NDEL1: variants seen among roughly 807,000 people sequenced by gnomAD.
The protein encoded by NDEL1 is nudE neurodevelopment protein 1 like 1, also known as nuclear distribution protein nudE-like 1.
NDEL1 carries 9 observed loss-of-function variants against 45.7 expected under a neutral mutation model. The observed-to-expected ratio is 0.20, with a 90% confidence interval of 0.12 to 0.34. The LOEUF is 0.34. Ranked by LOEUF, NDEL1 falls within the 10% of genes least tolerant of loss-of-function variation. The pLI is 1.00. For synonymous variants in NDEL1, 133 were observed against 158.6 expected (o/e 0.84, Z 1.21); for missense variants, 306 against 406.2 (o/e 0.75, Z 2.12).
At chr17:8,469,861 A>ATTTTTTTTTTTTT (rs762773754), downstream of NDEL1, among the ~76,000 whole-genome samples, 3 of 128,652 alleles carry the variant, frequency 2.3e-5, no homozygotes, top group African/African-American at 3.0e-5. Context: ...TGCCTGGCTA[A>ATTTTTTTTTTTTT]TTTTTTTTTT....
intron 7 of NDEL1, 73 bp from the exon 8 acceptor site, chr17:8,459,936 A>G (rs553362058): frequency 1.3e-4 from 190 of 1,471,382 alleles, no homozygotes; most frequent in Middle Eastern, 1.8e-4. Context: ...TGAAATAGAA[A>G]TGGTTTGAAA....
intron 1 of NDEL1, among the ~76,000 whole-genome samples, chr17:8,413,751 T>C (rs1321832421): frequency 2.0e-5 from 3 of 152,218 alleles, no homozygotes; most frequent in African/African-American, 7.2e-5. Context: ...TGTTTTCTCA[T>C]CTACAAAATG....
At chr17:8,432,041 T>C (rs1909011950), upstream of NDEL1, 1 of 151,710 alleles carries the variant, frequency 6.6e-6, no homozygotes, top group South Asian at 2.1e-4. Context: ...TCTATATTTT[T>C]AGTAGAGACG....
intron 1 of NDEL1, among the ~76,000 whole-genome samples, chr17:8,424,766 A>G (rs1273461022): frequency 6.6e-6 from 1 of 152,164 alleles, no homozygotes; most frequent in Non-Finnish European, 1.5e-5. Flanking sequence ...GGCCTCCCAA[A>G]GTGCTGGGAT....
chr17:8,473,974 G>C (rs1403139200), intron 3 of NDEL1, among the ~76,000 whole-genome samples: 2 of 152,216 alleles, frequency 1.3e-5, no homozygotes, highest in African/African-American at 4.8e-5. Context: ...AGGTGGGCCA[G>C]CTCCTGCCTT....
chr17:8,434,417 A>G (rs559254465), upstream of NDEL1, among the ~76,000 whole-genome samples: 2 of 151,806 alleles, frequency 1.3e-5, no homozygotes, highest in South Asian at 4.2e-4. Context: ...GGGTTTCACC[A>G]TGTTGGCCAG....
intron 5 of NDEL1, among the ~76,000 whole-genome samples, chr17:8,449,572 C>T (rs1413785709): frequency 6.6e-6 from 1 of 152,172 alleles, no homozygotes; most frequent in Non-Finnish European, 1.5e-5. Flanking sequence ...TCCCTTCAGC[C>T]CCTGGCAACC....
chr17:8,472,627 C>T (rs930230339), downstream of NDEL1, among the ~76,000 whole-genome samples: 16 of 152,034 alleles, frequency 1.1e-4, no homozygotes, highest in African/African-American at 1.5e-4. Context: ...CATGCCACTG[C>T]GCTCCAGCCT....
At chr17:8,453,903 A>G (rs1040751048) in intron 6 of NDEL1, among the ~76,000 whole-genome samples, 2 of 152,186 alleles carry the variant, frequency 1.3e-5, no homozygotes, top group African/African-American at 2.4e-5. Context: ...TAATAGTTCA[A>G]TGGAACTGAA....
downstream of NDEL1, among the ~76,000 whole-genome samples, chr17:8,470,315 C>G (rs1467460221): frequency 1.3e-5 from 2 of 152,148 alleles, no homozygotes; most frequent in East Asian, 3.9e-4. The surrounding 1 kb of genome is among the most constrained non-coding windows in gnomAD (Gnocchi z 4.2). Context: ...TGAGCCGCAT[C>G]TGTGTGCCGT....
intron 6 of NDEL1, 47 bp downstream of exon 6, chr17:8,451,000 T>A (rs751598081): frequency 8.5e-6 from 13 of 1,534,332 alleles, no homozygotes; most frequent in Non-Finnish European, 9.6e-6. Flanking sequence ...GATGATCAGC[T>A]TACGGGGGTT....
chr17:8,433,299 C>T (rs1191057084), upstream of NDEL1, among the ~76,000 whole-genome samples: 5 of 152,188 alleles, frequency 3.3e-5, no homozygotes, highest in South Asian at 2.1e-4. Context: ...GCTATTGTTT[C>T]TGCTGTTAAT....
chr17:8,429,492 A>G lies in NDEL1; in HGVS notation c.-12-14768A>G, dbSNP rs534099267. 2.2e-4 allele frequency among the ~76,000 whole-genome samples: 34 copies of G among 152,280 alleles called. No homozygotes were observed. In the South Asian group the frequency reaches 6.6e-3, roughly 30 times the overall value. On this transcript the variant is annotated intron_variant, in intron 1 of 4. Coordinates refer to the NDEL1 transcript ENST00000582812. ...GAGTGCTCACTTTGGGACTTTGAGT[A>G]TCAGGGAAGGCTTCCTGGAGGAGCT... is the stretch of plus-strand genomic sequence containing the variant.
upstream of NDEL1, among the ~76,000 whole-genome samples, chr17:8,435,342 G>C (rs892307416): frequency 1.3e-5 from 2 of 152,150 alleles, no homozygotes; most frequent in African/African-American, 4.8e-5. Context: ...TTATCTGTTG[G>C]GATGAGCAAG....
upstream of NDEL1, chr17:8,431,312 G>A (rs556616578): frequency 9.2e-5 from 14 of 152,306 alleles, no homozygotes; most frequent in African/African-American, 3.4e-4. Flanking sequence ...GAGCCCCAGA[G>A]CCTGAACGAG....
At chr17:8,457,770 C>T (rs1431102533) in intron 7 of NDEL1, among the ~76,000 whole-genome samples, 3 of 152,134 alleles carry the variant, frequency 2.0e-5, no homozygotes, top group Non-Finnish European at 2.9e-5. Flanking sequence ...TAATTTTGTC[C>T]ATCTGTGCTT....
Position 8,466,961 on chromosome 17 carries a change from C to T in NDEL1, c.976C>T (p.Pro326Ser), listed in dbSNP as rs1329664105. 1 of 1,614,248 alleles carries T rather than the reference C, an allele frequency of 6.2e-7. No homozygotes were observed. The highest frequency in any genetic ancestry group is 1.1e-5 in the South Asian group (1 of 91,086). The change falls in exon 9 of 9, where the codon CCT becomes TCT. Residue 326 changes from proline to serine, a missense_variant. Physicochemically the swap from Pro to Ser is moderately conservative, Grantham distance 74. This residue lies in a region of NDEL1 where 175 missense variants were observed against 205.2 expected (regional missense o/e 0.85). Transcript: ENST00000334527. ...AAACGGCTTTGACCCCGCTCCTCCTCCTCCTGGTCTGGGCTCCTCGCGTCC... is the reference window on the plus strand; with the variant it reads ...AAACGGCTTTGACCCCGCTCCTCCTTCTCCTGGTCTGGGCTCCTCGCGTCC... ...AVNGFDPAPP[P>S]PGLGSSRPSS... is the part of the protein sequence containing the mutation.
At chr17:8,420,589 G>A (rs1908684363) in intron 1 of NDEL1, among the ~76,000 whole-genome samples, 1 of 152,220 alleles carries the variant, frequency 6.6e-6, no homozygotes, top group African/African-American at 2.4e-5. Flanking sequence ...CCTGGGGCCT[G>A]GACGCTGTCC....
At chr17:8,417,615 C>T (rs760676397) in intron 1 of NDEL1, among the ~76,000 whole-genome samples, 4 of 152,102 alleles carry the variant, frequency 2.6e-5, no homozygotes, top group Admixed American at 1.3e-4. Context: ...ATGGGGGGAC[C>T]AGTCCAAATG....
Sources: gnomAD v4.1 joint callset for allele counts (sites outside exome capture counted in the v4.1 genomes callset) on GRCh38, gnomAD v4.1.1 for gene constraint, gnomAD v4.1.1 regional missense constraint, Gnocchi (gnomAD v3.1) non-coding constraint, MANE v1.5 for transcripts, NCBI Gene and HGNC (gene_info 2026-07-23, HGNC 2026-07-21) for gene names.